Variants in PCDH11X observed in about 807,000 individuals in gnomAD.
PCDH11X encodes the protein protocadherin-11 X-linked.
PCDH11X carries 18 observed loss-of-function variants against 53.3 expected under a neutral mutation model. That is an observed-to-expected ratio of 0.34 (90% CI 0.23 to 0.50). The LOEUF is 0.50. Among genes scored for constraint, PCDH11X ranks in the 20% least tolerant of loss-of-function variants. The pLI, the probability that PCDH11X is intolerant of heterozygous loss-of-function variation, is 0.98. For missense variants in PCDH11X, 570 were observed against 1,032.4 expected, an observed-to-expected ratio of 0.55 and a Z score of 6.14; for synonymous variants, 279 against 393.3, an observed-to-expected ratio of 0.71 and a Z score of 3.44.
chrX:92,380,702 G>A (rs1314713902), intron 8 of PCDH11X, among the ~76,000 whole-genome samples: 1 of 110,614 alleles, frequency 9.0e-6, no homozygotes, highest in Non-Finnish European at 1.9e-5. Context: ...ATTGATTTAT[G>A]GGTTTTAGAG....
At chrX:92,183,743 T>C (rs1378157183) in intron 6 of PCDH11X, among the ~76,000 whole-genome samples, 1 of 112,317 alleles carries the variant, frequency 8.9e-6, no homozygotes, top group African/African-American at 3.2e-5. Flanking sequence ...GCTTCCTCGT[T>C]ATTCAGCAGA....
intron 6 of PCDH11X, among the ~76,000 whole-genome samples, chrX:91,939,812 T>C (rs1177160044): frequency 9.0e-6 from 1 of 111,006 alleles, no homozygotes; most frequent in African/African-American, 3.3e-5. Flanking sequence ...TGAAAGAATT[T>C]ATCACCGGCC....
intron 9 of PCDH11X, among the ~76,000 whole-genome samples, chrX:92,461,676 G>A (rs2073048315): frequency 9.0e-6 from 1 of 111,383 alleles, no homozygotes; most frequent in Admixed American, 9.5e-5. Context: ...ATGCCCCAGA[G>A]GCACAAGCAA....
Position 92,226,719 on chromosome X carries a change from G to A in PCDH11X, c.3114+25264G>A, listed in dbSNP as rs193240693. ...TTTCTATGGGTAGTCTAGCCTCAGG[G>A]AGAATGAGGCTGCCAGACGGGAGGG... On this transcript the variant is annotated intron_variant, in intron 7 of 10. Coordinates refer to ENST00000682573, the MANE Select transcript of PCDH11X (RefSeq NM_032968.5). Among the ~76,000 whole-genome samples, 314 of 110,912 alleles carry A rather than the reference G, an allele frequency of 2.8e-3. 1 individual carries two copies. The highest frequency in any genetic ancestry group is 9.0e-3 in the African/African-American group (276 of 30,529).
chrX:92,000,028 G>A, intron 6 of PCDH11X, among the ~76,000 whole-genome samples: 1 of 111,588 alleles, frequency 9.0e-6, no homozygotes, highest in Non-Finnish European at 1.9e-5. Flanking sequence ...TGTATGGGGG[G>A]TGTAAAAACA....
At position 92,590,398 on chromosome X, in the gene PCDH11X, C is replaced by G. The variant is rs1450188129; in HGVS notation, c.3368-27866C>G. On this transcript the variant is annotated intron_variant, in intron 10 of 10. Coordinates refer to ENST00000682573, the MANE Select transcript of PCDH11X (RefSeq NM_032968.5). ...CCCCTGACCACAGTTTGTTAGTCCC[C>G]CCACCAGAATGAGGAACACAGAGGT... Among the ~76,000 whole-genome samples the G allele has an allele frequency of 6.3e-5, 7 of 111,206 alleles. No homozygotes were observed. The Admixed American group carries it at 6.7e-4, about 11-fold the overall frequency.
chrX:92,434,493 A>G (rs969266548), intron 9 of PCDH11X, among the ~76,000 whole-genome samples: 50 of 110,641 alleles, frequency 4.5e-4, no homozygotes, highest in Non-Finnish European at 8.5e-4. Context: ...ACGTATATTC[A>G]CTTAATGAAT....
chrX:92,440,715 G>A (rs1321283507), intron 9 of PCDH11X, among the ~76,000 whole-genome samples: 1 of 110,101 alleles, frequency 9.1e-6, no homozygotes, highest in Non-Finnish European at 1.9e-5. Flanking sequence ...AAATTGCCCA[G>A]TCTCAGGTAT....
intron 8 of PCDH11X, among the ~76,000 whole-genome samples, chrX:92,313,715 A>G (rs905228656): frequency 1.8e-5 from 2 of 111,304 alleles, no homozygotes; most frequent in Non-Finnish European, 3.8e-5. Context: ...CCTAAGCTGT[A>G]TTATATAGCC....
At chrX:92,041,432 A>G (rs1235978661) in intron 6 of PCDH11X, among the ~76,000 whole-genome samples, 1 of 111,508 alleles carries the variant, frequency 9.0e-6, no homozygotes, top group Non-Finnish European at 1.9e-5. Flanking sequence ...AATGCAAATC[A>G]GTACAACACA....
chrX:91,838,907 A>G (rs1256600771), intron 5 of PCDH11X, among the ~76,000 whole-genome samples: 1 of 111,433 alleles, frequency 9.0e-6, no homozygotes, highest in Non-Finnish European at 1.9e-5. Context: ...CAATTTATAC[A>G]TGAAGGTGTC....
chrX:91,907,412 C>CACACACACAG (rs756926383), intron 6 of PCDH11X, among the ~76,000 whole-genome samples: 1,655 of 57,206 alleles, frequency 0.029, 45 homozygotes, highest in Non-Finnish European at 0.04. Context: ...CACACACACA[C>CACACACACAG]AGAGAGAGAG....
intron 8 of PCDH11X, among the ~76,000 whole-genome samples, chrX:92,357,778 A>G (rs1000880134): frequency 8.9e-6 from 1 of 111,907 alleles, no homozygotes; most frequent in African/African-American, 3.3e-5. Flanking sequence ...TATCGATCTC[A>G]TTAAGTATAA....
Position 92,575,936 on chromosome X carries a change from T to TAC in PCDH11X, c.3368-42327_3368-42326insCA, listed in dbSNP as rs1462543427. Among the ~76,000 whole-genome samples, 61 of 26,209 alleles carry TAC rather than the reference T, an allele frequency of 2.3e-3. 1 individual carries two copies. Among genetic ancestry groups the TAC allele is most frequent in the East Asian group, 7.0e-3 (10 of 1,436 alleles). 22.8% of individuals were successfully genotyped at this position (26,209 alleles called of 115,157 possible). A position where few individuals can be genotyped will look rare whatever the true frequency, so the allele number is the denominator to read the frequency against. On this transcript the variant is annotated intron_variant, in intron 10 of 10. Transcript: ENST00000682573. ...ATATATATATATATATATATATATATATATATATACACACACACACACACA... is the reference window on the plus strand; with the variant it reads ...ATATATATATATATATATATATATATACATATATATACACACACACACACACA...
At chrX:92,340,460 C>T (rs1346113613) in intron 8 of PCDH11X, among the ~76,000 whole-genome samples, 3 of 112,268 alleles carry the variant, frequency 2.7e-5, no homozygotes, top group African/African-American at 9.7e-5. Flanking sequence ...AGCACTCAGG[C>T]TTATTCATAC....
At chrX:92,403,321 G>C (rs1352216382) in intron 9 of PCDH11X, among the ~76,000 whole-genome samples, 3 of 77,884 alleles carry the variant, frequency 3.9e-5, no homozygotes, top group African/African-American at 1.7e-4. Flanking sequence ...ATGTGTCCGG[G>C]CATTTACGTT....
intron 9 of PCDH11X, among the ~76,000 whole-genome samples, chrX:92,443,514 A>G (rs1159709768): frequency 9.0e-6 from 1 of 111,063 alleles, no homozygotes; most frequent in Non-Finnish European, 1.9e-5. Flanking sequence ...GTTGTGCAGA[A>G]GATCTTTAGT....
intron 6 of PCDH11X, among the ~76,000 whole-genome samples, chrX:92,081,855 C>A: frequency 9.0e-6 from 1 of 111,449 alleles, no homozygotes; most frequent in Non-Finnish European, 1.9e-5. Context: ...TAATTTGCAG[C>A]AGTGGCTAGA....
At chrX:92,448,577 C>G (rs1194611050) in intron 9 of PCDH11X, among the ~76,000 whole-genome samples, 2 of 93,501 alleles carry the variant, frequency 2.1e-5, no homozygotes, top group Non-Finnish European at 4.2e-5. Context: ...TCATTAAACC[C>G]TTTTCCTGTA....
Sources: allele counts gnomAD v4.1 joint callset (sites outside exome capture counted in the v4.1 genomes callset), GRCh38; gene constraint gnomAD v4.1.1; transcripts MANE v1.5; gene names NCBI Gene and HGNC (gene_info 2026-07-23, HGNC 2026-07-21).